The following PDE4D variants were observed in gnomAD, a reference collection of about 807,000 sequenced individuals.
PDE4D encodes 3',5'-cyclic-AMP phosphodiesterase 4D.
Under a neutral mutation model 87.4 loss-of-function variants are expected in PDE4D, and 24 were observed. The observed-to-expected ratio is 0.27, with a 90% CI of 0.20 to 0.39. PDE4D has a LOEUF of 0.39. Among genes scored for constraint, PDE4D ranks in the 10% least tolerant of loss-of-function variants. The probability of loss-of-function intolerance (pLI) is 1.00; values close to 1 mark genes in which losing one functional copy is unlikely to be tolerated. For synonymous variants in PDE4D, 384 were observed against 383.2 expected, an observed-to-expected ratio of 1.00 and a Z score of -0.02; for missense variants, 714 against 1,041.0, an observed-to-expected ratio of 0.69 and a Z score of 4.32.
chr5:59,198,179 A>C (rs1745889697), intron 2 of PDE4D, among the ~76,000 whole-genome samples: 1 of 152,308 alleles, frequency 6.6e-6, no homozygotes, highest in East Asian at 1.9e-4. Flanking sequence ...TTAACAAAAA[A>C]CAGCTGTGAT....
At chr5:59,500,994 A>G (rs1808200386) in intron 1 of PDE4D, among the ~76,000 whole-genome samples, 1 of 152,128 alleles carries the variant, frequency 6.6e-6, no homozygotes, top group South Asian at 2.1e-4. Flanking sequence ...TTTAAATTCC[A>G]AAATTGAATT....
chr5:60,026,023 G>T (rs964625270), intron 2 of PDE4D, among the ~76,000 whole-genome samples: 18 of 152,114 alleles, frequency 1.2e-4, no homozygotes, highest in African/African-American at 4.3e-4. Context: ...CTATTAAAAA[G>T]GTAATGTGGT....
intron 2 of PDE4D, among the ~76,000 whole-genome samples, chr5:60,029,710 G>A (rs541453366): frequency 4.0e-5 from 6 of 149,024 alleles, no homozygotes; most frequent in East Asian, 4.1e-4. Flanking sequence ...TCTACCACCC[G>A]CCACCACCAC....
intron 1 of PDE4D, among the ~76,000 whole-genome samples, chr5:59,471,575 T>C (rs1319215855): frequency 6.6e-6 from 1 of 152,236 alleles, no homozygotes; most frequent in East Asian, 1.9e-4. Flanking sequence ...CTTTATAGCT[T>C]CTGTAAATCC....
intron 1 of PDE4D, among the ~76,000 whole-genome samples, chr5:60,506,561 C>T (rs962383837): frequency 4.6e-5 from 7 of 151,630 alleles, no homozygotes; most frequent in Non-Finnish European, 1.0e-4. Context: ...AGAAAAAAGG[C>T]TAATGCTGTC....
chr5:60,176,109 G>A (rs1783879076), intron 2 of PDE4D, among the ~76,000 whole-genome samples: 2 of 152,128 alleles, frequency 1.3e-5, no homozygotes, highest in Admixed American at 1.3e-4. Context: ...GGAAAAGCCT[G>A]CTATAGGATG....
chr5:59,666,836 G>A (rs1746151960), intron 1 of PDE4D, among the ~76,000 whole-genome samples: 1 of 152,256 alleles, frequency 6.6e-6, no homozygotes, highest in Non-Finnish European at 1.5e-5. Flanking sequence ...TTAGGGGCAT[G>A]ACAGATGCTG....
intron 1 of PDE4D, among the ~76,000 whole-genome samples, chr5:60,502,143 G>A (rs1323697024): frequency 2.6e-5 from 4 of 151,698 alleles, no homozygotes; most frequent in Non-Finnish European, 4.4e-5. Context: ...TAGGTCTAAC[G>A]TTTAAGTCTT....
intron 1 of PDE4D, among the ~76,000 whole-genome samples, chr5:59,712,393 CATAT>C (rs5868190): frequency 0.19 from 23,121 of 122,058 alleles, 2,048 homozygotes; most frequent in Middle Eastern, 0.27. Flanking sequence ...TAATATTATT[CATAT>C]ATATATATAT....
At chr5:60,012,604 T>A (rs1259410087) in intron 2 of PDE4D, among the ~76,000 whole-genome samples, 1 of 151,786 alleles carries the variant, frequency 6.6e-6, no homozygotes, top group Non-Finnish European at 1.5e-5. Flanking sequence ...CCAAAAAAAA[T>A]GGACTATTCT....
chr5:59,104,356 G>A (rs910822119), intron 5 of PDE4D, among the ~76,000 whole-genome samples: 1 of 152,146 alleles, frequency 6.6e-6, no homozygotes, highest in Non-Finnish European at 1.5e-5. Context: ...AAGTCACACA[G>A]TAAGCGTTGG....
At chr5:60,066,277 G>A (rs960618850) in intron 2 of PDE4D, among the ~76,000 whole-genome samples, 1 of 151,882 alleles carries the variant, frequency 6.6e-6, no homozygotes, top group Non-Finnish European at 1.5e-5. Flanking sequence ...CTTTTTGATG[G>A]GGTTGTTTGT....
At chr5:60,077,245 G>A (rs185949005) in intron 2 of PDE4D, among the ~76,000 whole-genome samples, 19 of 152,288 alleles carry the variant, frequency 1.2e-4, no homozygotes, top group African/African-American at 1.9e-4. Context: ...AGGCAGCAGC[G>A]GTATGGTAGG....
intron 5 of PDE4D, among the ~76,000 whole-genome samples, chr5:59,046,767 A>G (rs1374112479): frequency 6.6e-6 from 1 of 152,146 alleles, no homozygotes; most frequent in Admixed American, 6.6e-5. Flanking sequence ...GAGAAGAGTC[A>G]AAGAAAGAGG....
chr5:59,232,906 T>C (rs1446403482), intron 1 of PDE4D, among the ~76,000 whole-genome samples: 2 of 151,854 alleles, frequency 1.3e-5, no homozygotes, highest in Non-Finnish European at 2.9e-5. Context: ...GCAACATGAA[T>C]TGACCTGAAT....
At position 59,893,227 on chromosome 5, in the gene PDE4D, G is replaced by A. The variant is rs1428540970; in HGVS notation, c.396C>T (p.His132=). Residue 132 remains histidine (H), a synonymous_variant, in exon 1 of 15, where the codon CAC becomes CAT. Coordinates refer to ENST00000340635, the MANE Select transcript of PDE4D (RefSeq NM_001104631.2). ...DRTSYAVETG[H]RPGLKKSRMS... The stretch of plus-strand genomic sequence containing the variant: ...TCCTGGATTTCTTCAGGCCGGGCCG[G>A]TGGCCGGTCTCCACCGCGTAGGAGG... 6.4e-7 allele frequency: 1 copy of A among 1,560,466 alleles called. No homozygotes were observed. The highest frequency in any genetic ancestry group is 1.9e-5 in the Admixed American group (1 of 52,348).
chr5:59,616,105 G>A (rs1829630116), intron 1 of PDE4D, among the ~76,000 whole-genome samples: 1 of 151,794 alleles, frequency 6.6e-6, no homozygotes, highest in Non-Finnish European at 1.5e-5. Flanking sequence ...ATCTCCTAAT[G>A]CTATCCCTCC....
chr5:59,128,297 G>A (rs901297636), intron 5 of PDE4D, among the ~76,000 whole-genome samples: 1 of 151,984 alleles, frequency 6.6e-6, no homozygotes, highest in South Asian at 2.1e-4. Flanking sequence ...AAAGAAATAG[G>A]AGGTTGGGAG....
intron 3 of PDE4D, chr5:59,988,295 C>T: frequency 2.1e-6 from 1 of 479,268 alleles, no homozygotes; most frequent in Non-Finnish European, 3.7e-6. Context: ...CCATGTAAAA[C>T]AATTTCACTA....
Sources: gnomAD v4.1 joint callset for allele counts (sites outside exome capture counted in the v4.1 genomes callset) on GRCh38, gnomAD v4.1.1 for gene constraint, MANE v1.5 for transcripts, NCBI Gene and HGNC (gene_info 2026-07-23, HGNC 2026-07-21) for gene names.